The following PLAC9 variants were observed in gnomAD, a reference collection of about 807,000 sequenced individuals.
PLAC9 encodes placenta associated 9.
Under a neutral mutation model 11.5 loss-of-function variants are expected in PLAC9, and 12 were observed. That is an observed-to-expected ratio of 1.05 (90% confidence interval 0.67 to 1.69). PLAC9 has a LOEUF of 1.69. PLAC9 is among the 40% of genes most tolerant of loss of function. The pLI, the probability that PLAC9 is intolerant of heterozygous loss-of-function variation, is 0.00. For missense variants in PLAC9, 132 were observed against 130.5 expected (o/e 1.01, Z -0.06); for synonymous variants, 62 against 58.1 (o/e 1.07, Z -0.31).
At chr10:80,138,458 GGGAA>G (rs1205470069) in intron 1 of PLAC9, among the ~76,000 whole-genome samples, 2 of 152,174 alleles carry the variant, frequency 1.3e-5, no homozygotes, top group African/African-American at 4.8e-5. Context: ...GTTCAGTGGA[GGGAA>G]ATAATGAAAA....
intron 1 of PLAC9, among the ~76,000 whole-genome samples, chr10:80,141,254 A>C (rs1183263223): frequency 2.6e-5 from 4 of 152,060 alleles, no homozygotes; most frequent in Non-Finnish European, 4.4e-5. Flanking sequence ...CCTCCAATCT[A>C]TTCCCTATAT....
In PLAC9 at chr10:80,144,210, C is replaced by T. The variant is rs779018319; in HGVS notation, c.163-13C>T. The T allele has an allele frequency of 1.2e-6, 2 of 1,614,190 alleles. No individual in the cohort carries two copies. Among genetic ancestry groups the T allele is most frequent in the Admixed American group, 1.7e-5 (1 of 60,028 alleles). On this transcript the variant is annotated splice_polypyrimidine_tract_variant and intron_variant, in intron 2 of 3. Coordinates refer to ENST00000372263, the MANE Select transcript of PLAC9 (RefSeq NM_001012973.3). ...CACTTCTGTCCTCGACTTTACCCCA[C>T]TTCCCACTCTAGATGGTAGAGAAGA...
At chr10:80,134,796 T>C (rs1844954935) in intron 1 of PLAC9, among the ~76,000 whole-genome samples, 1 of 152,006 alleles carries the variant, frequency 6.6e-6, no homozygotes. Context: ...TCAATATGTC[T>C]GTTAGATCTC....
At chr10:80,132,948 C>A in intron 1 of PLAC9, 122 bp downstream of exon 1, 1 of 766,928 alleles carries the variant, frequency 1.3e-6, no homozygotes, top group African/African-American at 1.8e-5. Context: ...GACAGAGAGG[C>A]AGATGCAGGG....
chr10:80,134,381 AGCCTCCTGAGTAGCTGG>A (rs1195737977), intron 1 of PLAC9, among the ~76,000 whole-genome samples: 1 of 151,160 alleles, frequency 6.6e-6, no homozygotes, highest in Non-Finnish European at 1.5e-5. Context: ...CTCCTGCCTC[AGCCTCCTGAGTAGCTGG>A]GACTACAGGC....
intron 2 of PLAC9, chr10:80,144,021 A>T (rs1845070944): frequency 1.5e-6 from 1 of 649,488 alleles, no homozygotes; most frequent in African/African-American, 1.8e-5. Context: ...AGCCTTAGAG[A>T]GCAAGCCCCC....
upstream of PLAC9, among the ~76,000 whole-genome samples, chr10:80,132,167 T>TAA (rs1554828677): frequency 0.13 from 20,335 of 151,830 alleles, 2,158 homozygotes; most frequent in East Asian, 0.62. Flanking sequence ...CTTTTCTTTT[T>TAA]AAAATTACCT....
chr10:80,133,350 G>T (rs531078616), intron 1 of PLAC9, among the ~76,000 whole-genome samples: 46 of 152,234 alleles, frequency 3.0e-4, no homozygotes, highest in Non-Finnish European at 6.3e-4. Flanking sequence ...CCGGAGGCCA[G>T]CTCCATCTCA....
chr10:80,133,926 A>G (rs1230152801), intron 1 of PLAC9, among the ~76,000 whole-genome samples: 1 of 144,312 alleles, frequency 6.9e-6, no homozygotes, highest in Non-Finnish European at 1.5e-5. Context: ...CCTGGGTGAC[A>G]GAGCAAGACT....
chr10:80,139,798 C>T (rs1354443797), intron 1 of PLAC9, among the ~76,000 whole-genome samples: 1 of 151,784 alleles, frequency 6.6e-6, no homozygotes, highest in Non-Finnish European at 1.5e-5. Context: ...CTATGTTGAT[C>T]AGGCTGGTCT....
At chr10:80,135,064 G>C (rs1394567269) in intron 1 of PLAC9, among the ~76,000 whole-genome samples, 2 of 151,800 alleles carry the variant, frequency 1.3e-5, no homozygotes, top group African/African-American at 4.8e-5. Flanking sequence ...CTGTCTCCCA[G>C]GCTGGAGTGC....
Position 80,144,339 on chromosome 10 carries a change from C to A in PLAC9, c.279C>A (p.Leu93=). ...PGPFSPAPDL[L]GDGF ...CCTTCAGCCCCGCTCCCGACCTTCT[C>A]GGAGGTGAGCAGTGCAGGTGGCAGA... The change falls in exon 3 of 4, where the codon CTC becomes CTA. Residue 93 remains leucine, a synonymous_variant. Coordinates refer to ENST00000372263, the MANE Select transcript of PLAC9 (RefSeq NM_001012973.3). 6.2e-7 allele frequency: 1 copy of A among 1,600,002 alleles called. No individual in the cohort carries two copies. Among genetic ancestry groups the A allele is most frequent in the South Asian group, 1.1e-5 (1 of 90,380 alleles).
At chr10:80,137,152 G>A (rs1490777583) in intron 1 of PLAC9, among the ~76,000 whole-genome samples, 1 of 152,212 alleles carries the variant, frequency 6.6e-6, no homozygotes, top group Non-Finnish European at 1.5e-5. Flanking sequence ...TTGCTCCAGG[G>A]TGCACAAAGC....
intron 1 of PLAC9, among the ~76,000 whole-genome samples, chr10:80,134,673 GA>G (rs1844952939): frequency 6.6e-6 from 1 of 152,142 alleles, no homozygotes; most frequent in East Asian, 1.9e-4. Flanking sequence ...AACTGTGTGT[GA>G]TTGAATATCA....
At chr10:80,141,942 C>T in intron 1 of PLAC9, 140 bp from the exon 2 acceptor site, 1 of 497,170 alleles carries the variant, frequency 2.0e-6, no homozygotes, top group South Asian at 2.8e-5. Flanking sequence ...CACTCGCACA[C>T]TGACCCCCAC....
rs1447877413 is a variant in PLAC9, at chr10:80,144,225, G to A, written c.165G>A (p.Met55Ile). 1.9e-6 allele frequency: 3 copies of A among 1,613,988 alleles called. No individual in the cohort carries two copies. Among genetic ancestry groups the A allele is most frequent in the African/African-American group, 2.7e-5 (2 of 74,922 alleles). ...CTTTACCCCACTTCCCACTCTAGAT[G>A]GTAGAGAAGACCGTGGATCACCTGG... The part of the protein sequence containing the change: ...VQRRLDVMEE[M>I]VEKTVDHLGT... Residue 55 changes from methionine to isoleucine, a missense_variant and splice_region_variant, in exon 3 of 4, where the codon ATG becomes ATA. Physicochemically the swap from Met to Ile is conservative, Grantham distance 10. Coordinates refer to ENST00000372263, the MANE Select transcript of PLAC9 (RefSeq NM_001012973.3).
Position 80,145,079 on chromosome 10 carries a change from C to T in PLAC9, c.*169C>T, listed in dbSNP as rs913545256. The T allele has an allele frequency of 1.1e-6, 1 of 871,244 alleles. No individual in the cohort carries two copies. Among genetic ancestry groups the T allele is most frequent in the African/African-American group, 1.7e-5 (1 of 60,054 alleles). The allele number at this position is 871,244 out of a possible 1,614,324, so 54.0% of individuals were successfully genotyped here. ...AACCCGTTTAACTACAGCCTCCTCT[C>T]ACTCCACTTCCATGCCTGGAGGAAG... is the stretch of plus-strand genomic sequence containing the variant. On this transcript the variant is annotated 3_prime_UTR_variant, in exon 4 of 4. Coordinates refer to ENST00000372263, the MANE Select transcript of PLAC9 (RefSeq NM_001012973.3).
At position 80,144,311 on chromosome 10, in the gene PLAC9, G is replaced by A. The variant is rs752070328; in HGVS notation, c.251G>A (p.Gly84Glu). The A allele has an allele frequency of 1.2e-6, 2 of 1,611,380 alleles. No homozygotes were observed. The highest frequency in any genetic ancestry group is 8.5e-7 in the Non-Finnish European group (1 of 1,179,872). ...LEELAWNLPP[G>E]PFSPAPDLLG... ...GAGCTGGCCTGGAACCTGCCCCCGG[G>A]ACCCTTCAGCCCCGCTCCCGACCTT... Residue 84 changes from glycine to glutamate, a missense_variant, in exon 3 of 4, where the codon GGA becomes GAA. Gly to Glu is a moderately conservative substitution (Grantham distance 98). Transcript: ENST00000372263.
In PLAC9 at chr10:80,132,733, C is replaced by A. The variant is rs1348250901; in HGVS notation, c.-30C>A. 4 of 1,444,708 alleles carry A rather than the reference C, an allele frequency of 2.8e-6. No homozygotes were observed. The highest frequency in any genetic ancestry group is 3.6e-6 in the Non-Finnish European group (4 of 1,107,570). 89.5% of individuals were successfully genotyped at this position (1,444,708 alleles called of 1,614,324 possible). On this transcript the variant is annotated 5_prime_UTR_variant, in exon 1 of 4. Coordinates refer to ENST00000372263, the MANE Select transcript of PLAC9 (RefSeq NM_001012973.3). ...TCCGGGAAGGGCGGCTGCGGGCAGA[C>A]GCGGCGCTGCGCTCGGCCAGGCCGG...
Sources: allele counts gnomAD v4.1 joint callset (sites outside exome capture counted in the v4.1 genomes callset), GRCh38; gene constraint gnomAD v4.1.1; transcripts MANE v1.5; gene names NCBI Gene and HGNC (gene_info 2026-07-23, HGNC 2026-07-21).